SYCP1: variants seen among roughly 807,000 people sequenced by gnomAD.
SYCP1 encodes cancer/testis antigen 8.
SYCP1 carries 64 observed loss-of-function variants against 153.1 expected under a neutral mutation model. The observed-to-expected ratio is 0.42, with a 90% CI of 0.34 to 0.51. The LOEUF (loss-of-function observed/expected upper bound fraction) is 0.51. SYCP1 is among the 20% of genes least tolerant of loss of function. The probability of loss-of-function intolerance (pLI) is 0.06; values close to 1 mark genes in which losing one functional copy is unlikely to be tolerated. For missense variants in SYCP1, 997 were observed against 1,049.0 expected, an observed-to-expected ratio of 0.95 and a Z score of 0.68; for synonymous variants, 384 against 341.8, an observed-to-expected ratio of 1.12 and a Z score of -1.36.
chr1:114,889,281 A>G (rs1387613016), intron 15 of SYCP1, among the ~76,000 whole-genome samples: 2 of 152,160 alleles, frequency 1.3e-5, no homozygotes, highest in Non-Finnish European at 2.9e-5. Context: ...GAATCGCCTC[A>G]CTGTCTTCCA....
intron 27 of SYCP1, among the ~76,000 whole-genome samples, chr1:114,957,068 T>A (rs931058763): frequency 6.8e-6 from 1 of 147,044 alleles, no homozygotes; most frequent in African/African-American, 2.5e-5. Flanking sequence ...TTGTTGTTGT[T>A]TGTTTGTTTT....
chr1:114,932,127 G>A (rs921517822), intron 23 of SYCP1, among the ~76,000 whole-genome samples: 1 of 152,112 alleles, frequency 6.6e-6, no homozygotes, highest in Admixed American at 6.6e-5. Flanking sequence ...ACGTAGGAGG[G>A]TACTTTCATG....
At chr1:114,941,632 A>AT (rs1310486372) in intron 23 of SYCP1, among the ~76,000 whole-genome samples, 3 of 151,816 alleles carry the variant, frequency 2.0e-5, no homozygotes, top group Non-Finnish European at 2.9e-5. Flanking sequence ...TACTTTGATG[A>AT]TTTTTTTTCC....
chr1:114,976,703 G>A (rs146091750), intron 27 of SYCP1, among the ~76,000 whole-genome samples: 1 of 151,842 alleles, frequency 6.6e-6, no homozygotes, highest in Non-Finnish European at 1.5e-5. Flanking sequence ...TCAACCATTG[G>A]TAGGTTATAG....
chr1:114,978,556 T>C (rs930129880), intron 28 of SYCP1, among the ~76,000 whole-genome samples: 9 of 151,784 alleles, frequency 5.9e-5, no homozygotes, highest in Admixed American at 2.0e-4. Flanking sequence ...TGCAGAAGAA[T>C]TTTGATTTAG....
intron 7 of SYCP1, among the ~76,000 whole-genome samples, chr1:114,860,353 A>G (rs1308073678): frequency 6.6e-6 from 1 of 152,130 alleles, no homozygotes; most frequent in African/African-American, 2.4e-5. Flanking sequence ...GGTTAGACAT[A>G]TATTAATTTG....
At chr1:114,962,065 C>A (rs1316933330) in intron 27 of SYCP1, among the ~76,000 whole-genome samples, 1 of 151,348 alleles carries the variant, frequency 6.6e-6, no homozygotes, top group Non-Finnish European at 1.5e-5. Context: ...AAAACCTTCG[C>A]CTCCCAGGTT....
At chr1:114,980,326 A>C (rs1267933281) in intron 28 of SYCP1, among the ~76,000 whole-genome samples, 4 of 151,788 alleles carry the variant, frequency 2.6e-5, no homozygotes, top group African/African-American at 7.3e-5. Context: ...ACTAGCTTTT[A>C]CTAGAAAGTT....
chr1:114,893,805 G>C (rs1242978625), intron 15 of SYCP1, among the ~76,000 whole-genome samples: 2 of 151,930 alleles, frequency 1.3e-5, no homozygotes, highest in Non-Finnish European at 1.5e-5. Flanking sequence ...TTACTATAGG[G>C]GATGTTTATC....
intron 8 of SYCP1, among the ~76,000 whole-genome samples, chr1:114,866,434 A>G (rs371680086): frequency 1.6e-3 from 244 of 152,272 alleles, no homozygotes; most frequent in African/African-American, 5.6e-3. Context: ...CTGATGACAT[A>G]TGATGGGAAT....
intron 10 of SYCP1, 141 bp from the exon 11 acceptor site, chr1:114,876,596 T>C: frequency 5.6e-6 from 2 of 359,394 alleles, no homozygotes; most frequent in East Asian, 4.8e-5. Flanking sequence ...AAAACAGCAA[T>C]ATTAGCTCAT....
chr1:114,905,256 A>G (rs1000872668), intron 16 of SYCP1, among the ~76,000 whole-genome samples: 12 of 152,206 alleles, frequency 7.9e-5, no homozygotes, highest in African/African-American at 2.7e-4. Context: ...TCCAAAGTTC[A>G]AAGAAGCTTA....
intron 16 of SYCP1, among the ~76,000 whole-genome samples, chr1:114,895,801 C>A (rs1365099735): frequency 6.6e-6 from 1 of 151,886 alleles, no homozygotes; most frequent in Non-Finnish European, 1.5e-5. Flanking sequence ...GGATGTTGTA[C>A]CCTTTGAACA....
At position 114,946,237 on chromosome 1, in the gene SYCP1, TATA is replaced by T. The variant is rs1570830705; in HGVS notation, c.2155-49_2155-47del. ...TTAAAATATGTTAGGATACCAATCT[TATA>T]ATCTATTCAGTTTTAATATATCTAA... is the stretch of plus-strand genomic sequence containing the variant. On this transcript the variant is annotated intron_variant, in intron 25 of 31. Transcript: ENST00000369522. 4.6e-6 allele frequency: 4 copies of T among 870,658 alleles called. No individual in the cohort carries two copies. In the East Asian group the frequency reaches 1.0e-4, roughly 22 times the overall value. The allele number at this position is 870,658 out of a possible 1,614,324, so 53.9% of individuals were successfully genotyped here.
intron 27 of SYCP1, among the ~76,000 whole-genome samples, chr1:114,959,159 T>C (rs914837506): frequency 1.2e-4 from 19 of 152,172 alleles, no homozygotes; most frequent in African/African-American, 4.6e-4. Context: ...TTGTTCTCTT[T>C]TGTTTTACCA....
chr1:114,930,320 A>G (rs568162620), intron 23 of SYCP1, among the ~76,000 whole-genome samples: 1 of 152,164 alleles, frequency 6.6e-6, no homozygotes, highest in South Asian at 2.1e-4. Flanking sequence ...GGAAATAATT[A>G]GAATAAGACA....
At chr1:114,874,099 T>C (rs1665349188) in intron 8 of SYCP1, among the ~76,000 whole-genome samples, 1 of 152,172 alleles carries the variant, frequency 6.6e-6, no homozygotes, top group African/African-American at 2.4e-5. Flanking sequence ...ATAGTTCAGG[T>C]TTTCTTTCCC....
intron 16 of SYCP1, among the ~76,000 whole-genome samples, chr1:114,908,561 G>A (rs904536594): frequency 6.6e-6 from 1 of 151,924 alleles, no homozygotes; most frequent in African/African-American, 2.4e-5. Context: ...TTTTTTCTCT[G>A]TATTCTTCAG....
intron 16 of SYCP1, 132 bp downstream of exon 16, chr1:114,895,641 G>T (rs779013735): frequency 2.2e-6 from 1 of 462,410 alleles, no homozygotes; most frequent in Non-Finnish European, 3.6e-6. Flanking sequence ...AATTATATTT[G>T]GTTTTAAGTA....
Sources: gnomAD v4.1 joint callset for allele counts (sites outside exome capture counted in the v4.1 genomes callset) on GRCh38, gnomAD v4.1.1 for gene constraint, MANE v1.5 for transcripts, NCBI Gene and HGNC (gene_info 2026-07-23, HGNC 2026-07-21) for gene names.